Variants in KHDRBS2 observed in about 807,000 individuals in gnomAD.
The protein encoded by KHDRBS2 is KH RNA binding domain containing, signal transduction associated 2.
KHDRBS2 carries 26 observed loss-of-function variants against 44.3 expected under a neutral mutation model. The observed-to-expected ratio is 0.59, with a 90% CI of 0.43 to 0.81. The LOEUF (loss-of-function observed/expected upper bound fraction) is 0.81, where lower values mean the gene tolerates loss of function less well. Ranked by LOEUF, KHDRBS2 falls within the 40% of genes least tolerant of loss-of-function variation. The probability of loss-of-function intolerance (pLI) is 0.00; values close to 1 mark genes in which losing one functional copy is unlikely to be tolerated. For missense variants in KHDRBS2, 476 were observed against 433.1 expected, an observed-to-expected ratio of 1.10 and a Z score of -0.88; for synonymous variants, 194 against 151.1, an observed-to-expected ratio of 1.28 and a Z score of -2.08.
At chr6:62,024,310 T>C (rs1485086715) in intron 3 of KHDRBS2, among the ~76,000 whole-genome samples, 1 of 151,512 alleles carries the variant, frequency 6.6e-6, no homozygotes, top group Non-Finnish European at 1.5e-5. Context: ...GATTTAATCA[T>C]TTATTCACAC....
chr6:62,049,980 C>T (rs1427063995), intron 2 of KHDRBS2, among the ~76,000 whole-genome samples: 1 of 152,062 alleles, frequency 6.6e-6, no homozygotes, highest in Non-Finnish European at 1.5e-5. Context: ...ACTATAAAGA[C>T]ACATGCACAC....
chr6:61,606,780 C>T, the KHDRBS2 span, among the ~76,000 whole-genome samples: 1 of 152,120 alleles, frequency 6.6e-6, no homozygotes, highest in South Asian at 2.1e-4. Flanking sequence ...GAAGGCCTGG[C>T]AGTTTGTTTT....
chr6:62,228,111 T>G (rs1007791164), intron 1 of KHDRBS2, among the ~76,000 whole-genome samples: 3 of 152,194 alleles, frequency 2.0e-5, no homozygotes, highest in African/African-American at 7.2e-5. Context: ...CCAGCTCCTC[T>G]TTGTACCCCT....
intron 8 of KHDRBS2, among the ~76,000 whole-genome samples, chr6:61,684,220 T>C (rs2127539040): frequency 6.6e-6 from 1 of 151,864 alleles, no homozygotes; most frequent in South Asian, 2.1e-4. Flanking sequence ...CACCATAGAG[T>C]GTGTCATTGA....
chr6:61,572,048 A>G, the KHDRBS2 span, among the ~76,000 whole-genome samples: 6 of 152,140 alleles, frequency 3.9e-5, no homozygotes, highest in African/African-American at 1.4e-4. Flanking sequence ...TTGAGAAGAT[A>G]TACCAAATTG....
chr6:62,014,042 G>A (rs564916365), intron 3 of KHDRBS2, among the ~76,000 whole-genome samples: 2 of 152,264 alleles, frequency 1.3e-5, no homozygotes, highest in South Asian at 4.1e-4. Context: ...AAACTAAGTG[G>A]ATTGTTGCAG....
At chr6:61,989,177 C>T (rs1261177788) in intron 3 of KHDRBS2, among the ~76,000 whole-genome samples, 1 of 152,086 alleles carries the variant, frequency 6.6e-6, no homozygotes, top group Non-Finnish European at 1.5e-5. Flanking sequence ...TATATATAAA[C>T]CCTTTTGGAG....
At chr6:62,220,109 A>G (rs1251920016) in intron 1 of KHDRBS2, among the ~76,000 whole-genome samples, 1 of 151,612 alleles carries the variant, frequency 6.6e-6, no homozygotes, top group Non-Finnish European at 1.5e-5. Context: ...AGTAACAGCA[A>G]TGTAAGCCAG....
chr6:61,779,053 A>T (rs983817021), intron 6 of KHDRBS2, among the ~76,000 whole-genome samples: 6 of 152,204 alleles, frequency 3.9e-5, no homozygotes, highest in African/African-American at 1.4e-4. Context: ...AACTGGGGGC[A>T]TTTAGTTTAC....
intron 2 of KHDRBS2, among the ~76,000 whole-genome samples, chr6:62,116,262 T>C (rs1806193814): frequency 6.6e-6 from 1 of 152,104 alleles, no homozygotes; most frequent in Non-Finnish European, 1.5e-5. Context: ...TTATTAACTA[T>C]AGTCACCGTG....
At chr6:62,145,834 A>G (rs1474549535) in intron 2 of KHDRBS2, among the ~76,000 whole-genome samples, 1 of 151,842 alleles carries the variant, frequency 6.6e-6, no homozygotes, top group East Asian at 1.9e-4. Context: ...ACCTAACACA[A>G]ATTTTGTTTC....
intron 2 of KHDRBS2, among the ~76,000 whole-genome samples, chr6:62,143,317 T>G (rs1315748685): frequency 6.6e-6 from 1 of 152,014 alleles, no homozygotes; most frequent in African/African-American, 2.4e-5. Context: ...TATTTTGTAT[T>G]GTACTGAACT....
At chr6:61,587,652 C>CA in the KHDRBS2 span, among the ~76,000 whole-genome samples, 10 of 151,296 alleles carry the variant, frequency 6.6e-5, no homozygotes, top group Non-Finnish European at 1.0e-4. Flanking sequence ...GAGTTGAGGC[C>CA]AAAAAAAATG....
intron 1 of KHDRBS2, among the ~76,000 whole-genome samples, chr6:62,209,313 A>C (rs1162967328): frequency 5.9e-5 from 9 of 152,188 alleles, no homozygotes; most frequent in Non-Finnish European, 8.8e-5. Context: ...AAAGAGAAAA[A>C]GATTTGAAGA....
chr6:61,908,408 G>A (rs1403055593), intron 4 of KHDRBS2, among the ~76,000 whole-genome samples: 2 of 152,022 alleles, frequency 1.3e-5, no homozygotes, highest in Admixed American at 6.6e-5. Context: ...GCCGAGGCGG[G>A]CAGATCACAA....
intron 2 of KHDRBS2, among the ~76,000 whole-genome samples, chr6:62,107,786 G>A (rs1452093127): frequency 6.6e-6 from 1 of 152,028 alleles, no homozygotes; most frequent in Non-Finnish European, 1.5e-5. Context: ...CAGAAATAAT[G>A]CCGCATATCT....
intron 1 of KHDRBS2, among the ~76,000 whole-genome samples, chr6:62,269,235 A>G (rs560099001): frequency 4.8e-4 from 72 of 151,524 alleles, no homozygotes; most frequent in African/African-American, 1.6e-3. Context: ...AGTATGAAAA[A>G]ATTATAAATT....
chr6:61,846,617 C>A (rs1166846062), intron 6 of KHDRBS2, among the ~76,000 whole-genome samples: 1 of 152,138 alleles, frequency 6.6e-6, no homozygotes, highest in Non-Finnish European at 1.5e-5. Context: ...ATACAAATTT[C>A]TCTATCCACT....
intron 6 of KHDRBS2, among the ~76,000 whole-genome samples, chr6:61,884,404 C>T (rs1007171950): frequency 1.3e-5 from 2 of 151,972 alleles, no homozygotes; most frequent in African/African-American, 4.8e-5. Context: ...CCCGATACAC[C>T]TCCTTGATGT....
Sources: allele counts gnomAD v4.1 joint callset (sites outside exome capture counted in the v4.1 genomes callset), GRCh38; gene constraint gnomAD v4.1.1; transcripts MANE v1.5; gene names NCBI Gene and HGNC (gene_info 2026-07-23, HGNC 2026-07-21).